Variants in FANCC observed in about 807,000 individuals in gnomAD.
FANCC encodes the protein FA complementation group C.
A neutral mutation model predicts 71.3 loss-of-function variants in FANCC; 55 were observed. The observed-to-expected ratio is 0.77, with a 90% CI of 0.62 to 0.97. The LOEUF (loss-of-function observed/expected upper bound fraction) is 0.97, where lower values mean the gene tolerates loss of function less well. FANCC is among the 50% of genes least tolerant of loss of function. FANCC has a pLI of 0.00. For missense variants in FANCC, 678 were observed against 670.9 expected, an observed-to-expected ratio of 1.01 and a Z score of -0.12; for synonymous variants, 275 against 244.9, an observed-to-expected ratio of 1.12 and a Z score of -1.15.
chr9:95,202,555 T>C (rs1385914096), intron 4 of FANCC, among the ~76,000 whole-genome samples: 1 of 152,214 alleles, frequency 6.6e-6, no homozygotes, highest in East Asian at 1.9e-4. Context: ...ACAAATATGC[T>C]CAGGGCGAAA....
intron 4 of FANCC, among the ~76,000 whole-genome samples, chr9:95,238,930 G>C (rs1830479625): frequency 6.6e-6 from 1 of 152,126 alleles, no homozygotes; most frequent in Non-Finnish European, 1.5e-5. Flanking sequence ...ATAGTCATAT[G>C]CAAGGACTGT....
intron 4 of FANCC, among the ~76,000 whole-genome samples, chr9:95,216,268 A>G (rs1336906023): frequency 6.6e-6 from 1 of 152,362 alleles, no homozygotes; most frequent in East Asian, 1.9e-4. Flanking sequence ...ACAATGATAA[A>G]AGGGTCAATT....
chr9:95,137,816 C>T (rs1049398278), intron 7 of FANCC, among the ~76,000 whole-genome samples: 8 of 152,268 alleles, frequency 5.3e-5, no homozygotes, highest in African/African-American at 7.2e-5. Flanking sequence ...AAGCAGAGGA[C>T]GCGTCATCAG....
chr9:95,308,132 G>T (rs1390301500), intron 1 of FANCC, among the ~76,000 whole-genome samples: 3 of 152,148 alleles, frequency 2.0e-5, no homozygotes, highest in African/African-American at 4.8e-5. Flanking sequence ...ACCAAAGGTG[G>T]TTCTGATCAA....
chr9:95,184,139 TA>T (rs985336707), intron 4 of FANCC, among the ~76,000 whole-genome samples: 1 of 152,052 alleles, frequency 6.6e-6, no homozygotes, highest in Non-Finnish European at 1.5e-5. Context: ...ATGTAAACAT[TA>T]AAAAAATTTA....
intron 4 of FANCC, among the ~76,000 whole-genome samples, chr9:95,181,784 G>A (rs1041323222): frequency 1.3e-5 from 2 of 152,164 alleles, no homozygotes; most frequent in African/African-American, 2.4e-5. Flanking sequence ...GCCCAATTTC[G>A]ATTCATGTAA....
chr9:95,180,999 G>A (rs1276139993), intron 4 of FANCC, among the ~76,000 whole-genome samples: 11 of 151,974 alleles, frequency 7.2e-5, no homozygotes. Context: ...TGCACGAGCT[G>A]ACTTTAACAT....
At chr9:95,189,030 C>T (rs1826914302) in intron 4 of FANCC, among the ~76,000 whole-genome samples, 1 of 152,178 alleles carries the variant, frequency 6.6e-6, no homozygotes, top group Non-Finnish European at 1.5e-5. Context: ...TTCTGGGATG[C>T]TATTCAAATA....
At chr9:95,218,290 C>T (rs1054538083) in intron 4 of FANCC, among the ~76,000 whole-genome samples, 2 of 152,118 alleles carry the variant, frequency 1.3e-5, no homozygotes, top group Admixed American at 1.3e-4. Context: ...CACAGGAAAA[C>T]CTCGTTGCCA....
chr9:95,177,295 T>A (rs1369267278), intron 4 of FANCC, among the ~76,000 whole-genome samples: 1 of 152,180 alleles, frequency 6.6e-6, no homozygotes, highest in Non-Finnish European at 1.5e-5. Flanking sequence ...AGTAAAACTA[T>A]GGTATAACAC....
chr9:95,109,266 A>G (rs2134497771), intron 13 of FANCC, among the ~76,000 whole-genome samples: 1 of 152,268 alleles, frequency 6.6e-6, no homozygotes, highest in East Asian at 1.9e-4. Context: ...GTTAGGATAT[A>G]CCACACTTTA....
chr9:95,205,787 T>G (rs1311060391), intron 4 of FANCC, among the ~76,000 whole-genome samples: 1 of 152,060 alleles, frequency 6.6e-6, no homozygotes, highest in South Asian at 2.1e-4. Flanking sequence ...AAATGGAAAG[T>G]AGAAGAACAA....
intron 1 of FANCC, among the ~76,000 whole-genome samples, chr9:95,275,447 T>C (rs1218207449): frequency 1.3e-5 from 2 of 152,112 alleles, no homozygotes; most frequent in Non-Finnish European, 2.9e-5. Context: ...TCCAAACCCA[T>C]AGAATGTACA....
rs940025106 is a variant in FANCC, at chr9:95,292,479, C to T, written c.-79+25047G>A. ...CCCGGGACCCCGACTGAGGGGCAGC[C>T]GGCCGCGGCCCGCGGGGGTGACGCA... is the stretch of plus-strand genomic sequence containing the variant. On this transcript the variant is annotated intron_variant, in intron 1 of 14. Transcript: ENST00000289081. The T allele has an allele frequency of 7.5e-6, 10 of 1,334,068 alleles. No homozygotes were observed. The African/African-American group carries it at 1.2e-4, about 17-fold the overall frequency. The allele number at this position is 1,334,068 out of a possible 1,614,324, so 82.6% of individuals were successfully genotyped here.
chr9:95,222,006 G>A (rs1214013284), intron 4 of FANCC, among the ~76,000 whole-genome samples: 1 of 151,874 alleles, frequency 6.6e-6, no homozygotes, highest in African/African-American at 2.4e-5. Flanking sequence ...CAAGGGAAAT[G>A]AAAATGTATG....
chr9:95,139,899 A>G (rs1350670070), intron 7 of FANCC, among the ~76,000 whole-genome samples: 1 of 148,484 alleles, frequency 6.7e-6, no homozygotes, highest in Non-Finnish European at 1.5e-5. Context: ...GGGACAATAA[A>G]GTAAAAAAGA....
intron 4 of FANCC, among the ~76,000 whole-genome samples, chr9:95,204,457 CA>C (rs1249323228): frequency 6.6e-6 from 1 of 152,152 alleles, no homozygotes; most frequent in Non-Finnish European, 1.5e-5. Flanking sequence ...GTGGGAACCA[CA>C]ACATGAGTCT....
intron 4 of FANCC, among the ~76,000 whole-genome samples, chr9:95,191,576 G>C (rs948633375): frequency 5.9e-5 from 9 of 151,862 alleles, no homozygotes; most frequent in Non-Finnish European, 1.2e-4. Flanking sequence ...GATCATATAT[G>C]CAACTAGCTT....
At chr9:95,123,922 T>C in intron 10 of FANCC, 3 of 401,894 alleles carry the variant, frequency 7.5e-6, no homozygotes, top group Non-Finnish European at 9.5e-6. Context: ...AAAAATAAAA[T>C]GGAAATTGTA....
Sources: allele counts gnomAD v4.1 joint callset (sites outside exome capture counted in the v4.1 genomes callset), GRCh38; gene constraint gnomAD v4.1.1; transcripts MANE v1.5; gene names NCBI Gene and HGNC (gene_info 2026-07-23, HGNC 2026-07-21).